GABRA2: variants seen among roughly 807,000 people sequenced by gnomAD.
The protein encoded by GABRA2 is gamma-aminobutyric acid type A receptor subunit alpha2, also known as gamma-aminobutyric acid receptor subunit alpha-2.
Under a neutral mutation model 48.7 loss-of-function variants are expected in GABRA2, and 16 were observed. The observed-to-expected ratio is 0.33, with a 90% CI of 0.22 to 0.50. The LOEUF is 0.50. GABRA2 is among the 20% of genes least tolerant of loss of function. The pLI is 0.98. For synonymous variants in GABRA2, 185 were observed against 184.5 expected (o/e 1.00, Z -0.02); for missense variants, 275 against 535.6 (o/e 0.51, Z 4.80).
intron 4 of GABRA2, among the ~76,000 whole-genome samples, chr4:46,313,192 G>GA (rs1289653234): frequency 6.8e-6 from 1 of 147,490 alleles, no homozygotes; most frequent in Non-Finnish European, 1.5e-5. Flanking sequence ...AAACATAACA[G>GA]AAAAAATTAA....
chr4:46,371,138 C>T (rs537904537), intron 3 of GABRA2, among the ~76,000 whole-genome samples: 1 of 152,200 alleles, frequency 6.6e-6, no homozygotes, highest in African/African-American at 2.4e-5. Flanking sequence ...AAATTAAAGG[C>T]TTTTTCTCCT....
At chr4:46,314,269 C>G (rs1348837888) in intron 4 of GABRA2, among the ~76,000 whole-genome samples, 1 of 152,038 alleles carries the variant, frequency 6.6e-6, no homozygotes, top group East Asian at 1.9e-4. Context: ...GGTTACTTTT[C>G]CAGGCAAAAT....
At chr4:46,348,972 T>C (rs1439623996) in intron 3 of GABRA2, among the ~76,000 whole-genome samples, 4 of 151,880 alleles carry the variant, frequency 2.6e-5, no homozygotes, top group African/African-American at 9.7e-5. Flanking sequence ...TATCCCAATC[T>C]TCAGCAACCA....
intron 8 of GABRA2, among the ~76,000 whole-genome samples, chr4:46,271,514 AT>A (rs1719331649): frequency 1.3e-5 from 2 of 151,982 alleles, no homozygotes; most frequent in Admixed American, 6.6e-5. Context: ...AAAGGTTATA[AT>A]TTTTAACACA....
intron 9 of GABRA2, chr4:46,256,080 G>A (rs908253039): frequency 2.1e-5 from 9 of 437,800 alleles, no homozygotes; most frequent in Non-Finnish European, 3.3e-5. Flanking sequence ...CCTTTTTACA[G>A]TTATTGTGGC....
rs1717122662 is a variant in GABRA2, at chr4:46,262,240, C to A, written c.857-112G>T. The A allele has an allele frequency of 6.3e-6, 4 of 632,456 alleles. No individual in the cohort carries two copies. In the South Asian group the frequency reaches 6.8e-5, roughly 11 times the overall value. 39.2% of individuals were successfully genotyped at this position (632,456 alleles called of 1,614,324 possible). ...CCAAAGCTTTTACTACTCTTATCCA[C>A]TAAATAATAATAAATAAATGAATAA... On this transcript the variant is annotated intron_variant, in intron 8 of 9. Transcript: ENST00000381620.
chr4:46,300,930 A>C lies in GABRA2; in HGVS notation c.856+2530T>G, dbSNP rs2109608975. 1.3e-5 allele frequency among the ~76,000 whole-genome samples: 2 copies of C among 152,210 alleles called. 1 individual carries two copies. The highest frequency in any genetic ancestry group is 4.1e-4 in the South Asian group (2 of 4,830). On this transcript the variant is annotated intron_variant, in intron 8 of 9. Transcript: ENST00000381620. Reference sequence around the variant, plus strand: ...ACTTTTCCCCTACCTCTTGTAATTTATATTTTTCAATTCATCCTCTGCAAA... The same window carrying C: ...ACTTTTCCCCTACCTCTTGTAATTTCTATTTTTCAATTCATCCTCTGCAAA...
chr4:46,297,476 C>CATGTATATATATATAT (rs1724939291), intron 8 of GABRA2, among the ~76,000 whole-genome samples: 1 of 87,886 alleles, frequency 1.1e-5, no homozygotes, highest in Non-Finnish European at 2.2e-5. Flanking sequence ...AATAAAATCC[C>CATGTATATATATATAT]ATATATATAT....
intron 4 of GABRA2, 41 bp downstream of exon 4, chr4:46,332,574 C>A: frequency 9.0e-7 from 1 of 1,109,894 alleles, no homozygotes; most frequent in Admixed American, 1.7e-5. Context: ...CCCCCACTCC[C>A]CATTATGTGA....
chr4:46,283,446 C>A (rs1177994762), intron 8 of GABRA2, among the ~76,000 whole-genome samples: 1 of 152,230 alleles, frequency 6.6e-6, no homozygotes, highest in African/African-American at 2.4e-5. Flanking sequence ...AGCCTTGGAC[C>A]AACTACTTGT....
At chr4:46,346,545 A>C (rs1734166738) in intron 3 of GABRA2, among the ~76,000 whole-genome samples, 1 of 150,576 alleles carries the variant, frequency 6.6e-6, no homozygotes, top group Non-Finnish European at 1.5e-5. Flanking sequence ...TCTTAGTGTA[A>C]GATTCCTGAT....
At chr4:46,298,219 G>A (rs1725110634) in intron 8 of GABRA2, among the ~76,000 whole-genome samples, 1 of 152,030 alleles carries the variant, frequency 6.6e-6, no homozygotes, top group South Asian at 2.1e-4. Context: ...TTTTTGCGTT[G>A]TAATTATTCT....
intron 3 of GABRA2, among the ~76,000 whole-genome samples, chr4:46,356,244 C>A (rs999612702): frequency 6.6e-6 from 1 of 152,126 alleles, no homozygotes; most frequent in Non-Finnish European, 1.5e-5. Context: ...CTTTTAATCC[C>A]TTTTCCCAAG....
chr4:46,251,500 CATG>C (rs2109379592), intron 9 of GABRA2, among the ~76,000 whole-genome samples: 1 of 151,438 alleles, frequency 6.6e-6, no homozygotes, highest in East Asian at 2.0e-4. Context: ...CGCTTTTAGC[CATG>C]ATATTTCCCC....
rs202078593 is a variant in GABRA2 at position 46,250,098 on chromosome 4, A to C, written c.*210T>G. On this transcript the variant is annotated 3_prime_UTR_variant, in exon 10 of 10. Transcript: ENST00000381620. ...CCTAGGGTAAATCTTTAAAAAAGGC[A>C]ATGGCTGTTTTCGCATGGAGTGCTT... 22 of 493,144 alleles carry C rather than the reference A, an allele frequency of 4.5e-5. No homozygotes were observed. Among genetic ancestry groups the C allele is most frequent in the African/African-American group, 2.3e-4 (12 of 51,290 alleles). The allele number at this position is 493,144 out of a possible 1,614,324, so 30.5% of individuals were successfully genotyped here.
At chr4:46,365,174 G>A (rs564606838) in intron 3 of GABRA2, 16 of 152,188 alleles carry the variant, frequency 1.1e-4, no homozygotes, top group African/African-American at 3.9e-4. Flanking sequence ...GACTGCTCAG[G>A]TTTTCTCAGA....
chr4:46,256,651 C>G (rs2109329472), intron 9 of GABRA2, among the ~76,000 whole-genome samples: 1 of 150,806 alleles, frequency 6.6e-6, no homozygotes, highest in Admixed American at 6.6e-5. Context: ...ATGTGCTGGC[C>G]CAAAGATGAA....
chr4:46,289,210 C>A (rs1164666602), intron 8 of GABRA2, among the ~76,000 whole-genome samples: 1 of 152,110 alleles, frequency 6.6e-6, no homozygotes, highest in Non-Finnish European at 1.5e-5. Flanking sequence ...TGGGTATATA[C>A]CCAAAGGAAT....
intron 8 of GABRA2, among the ~76,000 whole-genome samples, chr4:46,264,383 CTG>C (rs1259823721): frequency 1.3e-5 from 2 of 152,036 alleles, no homozygotes; most frequent in African/African-American, 4.8e-5. Context: ...GAGCAGACAT[CTG>C]TGTCTTATTT....
Sources: gnomAD v4.1 joint callset for allele counts (sites outside exome capture counted in the v4.1 genomes callset) on GRCh38, gnomAD v4.1.1 for gene constraint, MANE v1.5 for transcripts, NCBI Gene and HGNC (gene_info 2026-07-23, HGNC 2026-07-21) for gene names.